The following ARB2A variants were observed in gnomAD, a reference collection of about 807,000 sequenced individuals.
ARB2A encodes the protein cotranscriptional regulator ARB2A.
chr5:93,729,918 T>C, the ARB2A span, among the ~76,000 whole-genome samples: 2 of 152,148 alleles, frequency 1.3e-5, no homozygotes, highest in Non-Finnish European at 1.5e-5. Context: ...TTCATTTATA[T>C]ATGGTTTTAT....
the ARB2A span, among the ~76,000 whole-genome samples, chr5:93,824,938 A>G: frequency 4.6e-5 from 7 of 152,178 alleles, no homozygotes; most frequent in Non-Finnish European, 8.8e-5. Context: ...CATCCCCCCA[A>G]ACTGTTGCCA....
At chr5:93,991,543 T>C in the ARB2A span, among the ~76,000 whole-genome samples, 6 of 150,866 alleles carry the variant, frequency 4.0e-5, no homozygotes, top group Admixed American at 2.6e-4. Context: ...TTCAATCACA[T>C]AGAGGAAAAT....
At chr5:93,804,902 T>G in the ARB2A span, 17 of 926,592 alleles carry the variant, frequency 1.8e-5, no homozygotes, top group Non-Finnish European at 2.2e-5. Context: ...AATTAAAACT[T>G]AAGTTTAAGT....
chr5:93,975,750 C>G, the ARB2A span, among the ~76,000 whole-genome samples: 1 of 151,918 alleles, frequency 6.6e-6, no homozygotes, highest in South Asian at 2.1e-4. Flanking sequence ...ACAACAATAT[C>G]GAACAAGTGA....
At chr5:93,886,767 T>C in the ARB2A span, among the ~76,000 whole-genome samples, 34 of 151,694 alleles carry the variant, frequency 2.2e-4, 1 homozygote, top group African/African-American at 8.0e-4. Context: ...GCGTGAAATG[T>C]CACTTGACTC....
the ARB2A span, chr5:93,805,704 TG>T: frequency 1.0e-6 from 1 of 985,092 alleles, no homozygotes; most frequent in African/African-American, 1.7e-5. Flanking sequence ...CTAAATTATA[TG>T]TCAGAAAGTC....
chr5:93,815,990 C>T, the ARB2A span, among the ~76,000 whole-genome samples: 2 of 152,206 alleles, frequency 1.3e-5, no homozygotes, highest in Non-Finnish European at 2.9e-5. Context: ...TTACTCAAAT[C>T]TGGCTTCCAC....
chr5:93,707,866 C>T, the ARB2A span, among the ~76,000 whole-genome samples: 2 of 152,030 alleles, frequency 1.3e-5, no homozygotes, highest in African/African-American at 2.4e-5. Context: ...TGAGCCACCG[C>T]GCTCGACCAG....
chr5:93,711,910 G>T, the ARB2A span, among the ~76,000 whole-genome samples: 1 of 152,214 alleles, frequency 6.6e-6, no homozygotes, highest in African/African-American at 2.4e-5. Context: ...CTGAGGTTGT[G>T]GTCTTGCTTG....
At chr5:93,675,231 G>T in the ARB2A span, among the ~76,000 whole-genome samples, 1 of 152,068 alleles carries the variant, frequency 6.6e-6, no homozygotes, top group East Asian at 1.9e-4. Context: ...CACTGGCTAG[G>T]TTACAGTTGT....
the ARB2A span, among the ~76,000 whole-genome samples, chr5:93,941,690 G>A: frequency 6.6e-6 from 1 of 152,146 alleles, no homozygotes; most frequent in Non-Finnish European, 1.5e-5. Context: ...TATTTTTCAT[G>A]TAAAAATAAT....
the ARB2A span, chr5:93,776,073 T>C: frequency 9.1e-7 from 1 of 1,101,780 alleles, no homozygotes; most frequent in Admixed American, 2.4e-5. Flanking sequence ...AACAAACTAA[T>C]TCACAAAACA....
chr5:93,770,089 G>A, the ARB2A span, among the ~76,000 whole-genome samples: 3 of 152,116 alleles, frequency 2.0e-5, no homozygotes, highest in East Asian at 5.8e-4. Flanking sequence ...GAGCATTTTA[G>A]TGCATCTTTA....
At chr5:93,967,472 T>C in the ARB2A span, among the ~76,000 whole-genome samples, 2 of 152,044 alleles carry the variant, frequency 1.3e-5, no homozygotes, top group Non-Finnish European at 2.9e-5. Flanking sequence ...CAAGCAGATA[T>C]AAAATCAGTT....
At chr5:93,689,086 T>G in the ARB2A span, among the ~76,000 whole-genome samples, 4 of 152,206 alleles carry the variant, frequency 2.6e-5, no homozygotes, top group Admixed American at 2.6e-4. Flanking sequence ...CTTATTTCTC[T>G]AGGGTTATTT....
the ARB2A span, among the ~76,000 whole-genome samples, chr5:93,785,316 T>C: frequency 1.3e-5 from 2 of 152,188 alleles, no homozygotes; most frequent in Non-Finnish European, 2.9e-5. Context: ...AAAATTGCAG[T>C]TAAAATATCA....
the ARB2A span, among the ~76,000 whole-genome samples, chr5:93,836,053 A>C: frequency 6.6e-6 from 1 of 152,102 alleles, no homozygotes; most frequent in East Asian, 1.9e-4. Context: ...TTTTTGACGG[A>C]GTCTCGCTCT....
chr5:93,819,185 CAAAAAAAAAA>C, the ARB2A span, among the ~76,000 whole-genome samples: 3 of 93,174 alleles, frequency 3.2e-5, no homozygotes, highest in South Asian at 4.7e-4. Flanking sequence ...AACTCCGTCT[CAAAAAAAAAA>C]AAAAAAAAAA....
At chr5:93,847,438 A>G in the ARB2A span, among the ~76,000 whole-genome samples, 1 of 152,160 alleles carries the variant, frequency 6.6e-6, no homozygotes, top group Non-Finnish European at 1.5e-5. Flanking sequence ...TTACCATTCT[A>G]TTTAAAAAAT....
Sources: gnomAD v4.1 joint callset for allele counts (sites outside exome capture counted in the v4.1 genomes callset) on GRCh38, gnomAD v4.1.1 for gene constraint, MANE v1.5 for transcripts, NCBI Gene and HGNC (gene_info 2026-07-23, HGNC 2026-07-21) for gene names.